Variants in SCYL2 observed in about 807,000 individuals in gnomAD.
SCYL2 encodes SCY1-like protein 2.
SCYL2 carries 36 observed loss-of-function variants against 100.4 expected under a neutral mutation model. The observed-to-expected ratio is 0.36, with a 90% confidence interval of 0.27 to 0.47. SCYL2 has a LOEUF of 0.47. Among genes scored for constraint, SCYL2 ranks in the 20% least tolerant of loss-of-function variants. The pLI, the probability that SCYL2 is intolerant of heterozygous loss-of-function variation, is 1.00. For synonymous variants in SCYL2, 330 were observed against 359.2 expected (o/e 0.92, Z 0.92); for missense variants, 902 against 1,083.9 (o/e 0.83, Z 2.36).
At chr12:100,336,787 A>G (rs941916853) in intron 16 of SCYL2, among the ~76,000 whole-genome samples, 9 of 152,144 alleles carry the variant, frequency 5.9e-5, no homozygotes, top group Non-Finnish European at 1.3e-4. Context: ...TTAGCATCCA[A>G]TAAAAAAACT....
intron 13 of SCYL2, among the ~76,000 whole-genome samples, chr12:100,330,328 A>T (rs1952193135): frequency 6.6e-6 from 1 of 151,984 alleles, no homozygotes; most frequent in African/African-American, 2.4e-5. Flanking sequence ...GTGTCCAAAG[A>T]TTATTATGGA....
chr12:100,302,467 G>A (rs889344978), intron 4 of SCYL2, among the ~76,000 whole-genome samples: 8 of 152,110 alleles, frequency 5.3e-5, no homozygotes, highest in South Asian at 4.1e-4. Flanking sequence ...ACAAAATCTC[G>A]CAACTTTTGC....
At chr12:100,329,156 T>G (rs1192518567) in intron 12 of SCYL2, 45 bp from the exon 13 acceptor site, 1 of 901,174 alleles carries the variant, frequency 1.1e-6, no homozygotes, top group African/African-American at 1.6e-5. Context: ...TTTCTATGAA[T>G]TTATGGTGTT....
At chr12:100,304,671 C>T (rs935881083) in intron 4 of SCYL2, among the ~76,000 whole-genome samples, 10 of 152,008 alleles carry the variant, frequency 6.6e-5, no homozygotes, top group Admixed American at 3.3e-4. Flanking sequence ...TAAATGTAAA[C>T]GGGCTAAATG....
rs149347717 is a variant in SCYL2, at chr12:100,308,400, C to T, written c.481-2644C>T. Among the ~76,000 whole-genome samples the T allele has an allele frequency of 1.7e-4, 26 of 152,182 alleles. 1 individual carries two copies. In the East Asian group the frequency reaches 4.4e-3, roughly 26 times the overall value. ...ACTAACACAGAAACAGAAAACCAAA[C>T]ACCGCATGTTCTCACTTATAAGTGG... On this transcript the variant is annotated intron_variant, in intron 4 of 17. Coordinates refer to ENST00000360820, the MANE Select transcript of SCYL2 (RefSeq NM_017988.6).
chr12:100,317,818 C>G lies in SCYL2; in HGVS notation c.1288C>G (p.Leu430Val). ...TTCTAAACAGATTTTGTTAATTTTCCTACAAAAAATGGATTTGCTACTAAC... is the reference window on the plus strand; with the variant it reads ...TTCTAAACAGATTTTGTTAATTTTCGTACAAAAAATGGATTTGCTACTAAC... ...QEPIQILLIF[L>V]QKMDLLLTKT... is the part of the protein sequence containing the mutation. The change falls in exon 10 of 18, where the codon CTA (leucine) becomes GTA (valine). Residue 430 changes from leucine to valine, a missense_variant. Coordinates refer to ENST00000360820, the MANE Select transcript of SCYL2 (RefSeq NM_017988.6). The G allele has an allele frequency of 6.3e-7, 1 of 1,596,194 alleles. No individual in the cohort carries two copies. The highest frequency in any genetic ancestry group is 8.5e-7 in the Non-Finnish European group (1 of 1,176,010).
intron 5 of SCYL2, among the ~76,000 whole-genome samples, chr12:100,311,664 T>G (rs2096342354): frequency 6.6e-6 from 1 of 152,174 alleles, no homozygotes; most frequent in Non-Finnish European, 1.5e-5. Context: ...GCTCAGAGAA[T>G]AAAAGAACTG....
Position 100,325,127 on chromosome 12 carries a change from G to T in SCYL2, c.1509+1489G>T, listed in dbSNP as rs149437638. On this transcript the variant is annotated intron_variant, in intron 11 of 17. Transcript: ENST00000360820. ...TGGGAGCATCACTTGAGACCAAGAG[G>T]TCGAGGCTGCAGTGAGTTGTGATTG... Among the ~76,000 whole-genome samples, 555 of 152,184 alleles carry T rather than the reference G, an allele frequency of 3.6e-3. 3 individuals carry two copies. Among genetic ancestry groups the T allele is most frequent in the Non-Finnish European group, 4.9e-3 (336 of 68,012 alleles).
At chr12:100,297,372 G>A (rs1178139388) in intron 3 of SCYL2, among the ~76,000 whole-genome samples, 1 of 152,120 alleles carries the variant, frequency 6.6e-6, no homozygotes, top group African/African-American at 2.4e-5. Context: ...CAAAGCCTGA[G>A]CTCTTGATCA....
At chr12:100,323,408 T>G in intron 10 of SCYL2, 117 bp from the exon 11 acceptor site, 1 of 646,016 alleles carries the variant, frequency 1.5e-6, no homozygotes, top group Non-Finnish European at 2.7e-6. Context: ...AAATAATATA[T>G]ATGAAAATTT....
chr12:100,274,318 T>G (rs1270050523), intron 1 of SCYL2, among the ~76,000 whole-genome samples: 2 of 152,260 alleles, frequency 1.3e-5, no homozygotes, highest in African/African-American at 4.8e-5. Flanking sequence ...GGAGTTTTTT[T>G]GTCAAGAGTT....
chr12:100,291,071 A>G (rs1592937325), intron 2 of SCYL2, among the ~76,000 whole-genome samples: 1 of 152,196 alleles, frequency 6.6e-6, no homozygotes. Context: ...GATACTACAA[A>G]TTCATTTTTC....
At chr12:100,307,653 TTAAAC>T (rs1281735751) in intron 4 of SCYL2, among the ~76,000 whole-genome samples, 28 of 152,074 alleles carry the variant, frequency 1.8e-4, no homozygotes, top group African/African-American at 6.3e-4. Context: ...TGGGATCTAA[TTAAAC>T]TAAAGAGCTT....
chr12:100,335,706 A>C lies in SCYL2; in HGVS notation c.1929+15A>C. ...TTGGGAATCAGGTAAGAAGCAGCTT[A>C]ATTTTTGCAGAAAGTATGCTTCATC... On this transcript the variant is annotated intron_variant, in intron 15 of 17. Coordinates refer to ENST00000360820, the MANE Select transcript of SCYL2 (RefSeq NM_017988.6). 6.2e-7 allele frequency: 1 copy of C among 1,607,222 alleles called. No individual in the cohort carries two copies. The highest frequency in any genetic ancestry group is 8.5e-7 in the Non-Finnish European group (1 of 1,175,234).
At chr12:100,274,010 G>A (rs2096290156) in intron 1 of SCYL2, among the ~76,000 whole-genome samples, 1 of 152,170 alleles carries the variant, frequency 6.6e-6, no homozygotes. Flanking sequence ...TGTTCATAGA[G>A]AACAACTTGG....
At chr12:100,298,508 C>G (rs578193007) in intron 4 of SCYL2, among the ~76,000 whole-genome samples, 1 of 152,208 alleles carries the variant, frequency 6.6e-6, no homozygotes, top group East Asian at 1.9e-4. Context: ...AAAATTTTAT[C>G]TTTAAGGAAT....
At chr12:100,268,398 TTTG>T (rs1245550020) in intron 1 of SCYL2, among the ~76,000 whole-genome samples, 5 of 152,298 alleles carry the variant, frequency 3.3e-5, no homozygotes, top group East Asian at 1.9e-4. Context: ...ACTTTGCAGG[TTTG>T]TTGTTGTTTG....
At chr12:100,278,494 T>G (rs2096294784) in intron 1 of SCYL2, among the ~76,000 whole-genome samples, 1 of 152,210 alleles carries the variant, frequency 6.6e-6, no homozygotes, top group Non-Finnish European at 1.5e-5. Flanking sequence ...TCTGAAGATG[T>G]CTTTATTTCA....
intron 3 of SCYL2, among the ~76,000 whole-genome samples, chr12:100,293,665 G>A (rs2096313298): frequency 6.6e-6 from 1 of 151,972 alleles, no homozygotes; most frequent in African/African-American, 2.4e-5. Flanking sequence ...CCTAGGCAGA[G>A]GACCCTGCAG....
Sources: gnomAD v4.1 joint callset for allele counts (sites outside exome capture counted in the v4.1 genomes callset) on GRCh38, gnomAD v4.1.1 for gene constraint, MANE v1.5 for transcripts, NCBI Gene and HGNC (gene_info 2026-07-23, HGNC 2026-07-21) for gene names.